TMEM209: variants seen among roughly 807,000 people sequenced by gnomAD.
TMEM209 encodes testicular tissue protein Li 202.
In TMEM209, 65 loss-of-function variants were observed where a neutral mutation model predicts 76.2. The ratio of observed to expected loss-of-function variants is 0.85; its 90% CI spans 0.70 to 1.05. The LOEUF (loss-of-function observed/expected upper bound fraction) is 1.05. Ranked by LOEUF, TMEM209 falls within the 50% of genes least tolerant of loss-of-function variation. The pLI is 0.00. For missense variants in TMEM209, 623 were observed against 685.5 expected (o/e 0.91, Z 1.02); for synonymous variants, 239 against 237.6 (o/e 1.01, Z -0.06).
At chr7:130,198,806 GTTTTAT>G (rs1798085180) in intron 5 of TMEM209, among the ~76,000 whole-genome samples, 1 of 151,746 alleles carries the variant, frequency 6.6e-6, no homozygotes, top group African/African-American at 2.4e-5. Context: ...TTAATTTCTA[GTTTTAT>G]TTTTGTTTTG....
rs772056059 is a variant in TMEM209 at position 130,203,825 on chromosome 7, T to C, written c.162A>G (p.Ser54=). The C allele has an allele frequency of 6.2e-7, 1 of 1,604,648 alleles. No individual in the cohort carries two copies. Among genetic ancestry groups the C allele is most frequent in the East Asian group, 2.2e-5 (1 of 44,774 alleles). ...YTEMTGKLIS[S]YYNVTYWPLW... Reference sequence around the variant, plus strand: ...GGGGCCAGTATGTCACATTGTAGTATGAACTAATCAATTTTCCAGTCCTGA... The same window carrying C: ...GGGGCCAGTATGTCACATTGTAGTACGAACTAATCAATTTTCCAGTCCTGA... The change falls in exon 3 of 15, where the codon TCA becomes TCG. Residue 54 remains serine, a synonymous_variant. Coordinates refer to ENST00000397622, the MANE Select transcript of TMEM209 (RefSeq NM_032842.4).
At chr7:130,188,595 C>CA (rs10649977) in intron 6 of TMEM209, among the ~76,000 whole-genome samples, 1,470 of 72,586 alleles carry the variant, frequency 0.02, 114 homozygotes, top group African/African-American at 0.068. Flanking sequence ...GACTCCGTAT[C>CA]AAAAAAAAAA....
intron 5 of TMEM209, among the ~76,000 whole-genome samples, chr7:130,198,566 A>G (rs1459607175): frequency 1.3e-5 from 2 of 151,916 alleles, no homozygotes; most frequent in South Asian, 2.1e-4. Flanking sequence ...AGCCGAGATC[A>G]CACCACTGCA....
At chr7:130,178,330 G>T in intron 10 of TMEM209, 72 bp downstream of exon 10, 1 of 1,413,746 alleles carries the variant, frequency 7.1e-7, no homozygotes, top group South Asian at 1.4e-5. Flanking sequence ...GTTTTTCCTT[G>T]TTAATCTTCA....
intron 6 of TMEM209, among the ~76,000 whole-genome samples, chr7:130,186,800 C>A (rs917083447): frequency 2.0e-4 from 31 of 152,102 alleles, no homozygotes; most frequent in Non-Finnish European, 3.2e-4. Flanking sequence ...CCACCACCAC[C>A]ACAACAACAG....
intron 10 of TMEM209, among the ~76,000 whole-genome samples, chr7:130,177,348 C>CAA (rs755580801): frequency 3.9e-5 from 4 of 102,500 alleles, no homozygotes; most frequent in Admixed American, 1.0e-4. Flanking sequence ...AGACTGTCTC[C>CAA]AAAAAAAAAA....
chr7:130,202,757 C>T, intron 3 of TMEM209, 94 bp from the exon 4 acceptor site: 1 of 1,308,314 alleles, frequency 7.6e-7, no homozygotes, highest in Non-Finnish European at 1.0e-6. Context: ...CTAAAATTAC[C>T]TTCTTATTCC....
intron 10 of TMEM209, among the ~76,000 whole-genome samples, chr7:130,178,147 C>T (rs1584672313): frequency 1.3e-5 from 2 of 151,876 alleles, no homozygotes; most frequent in African/African-American, 4.8e-5. Flanking sequence ...CTCAGCACAC[C>T]GGAACTATAA....
At chr7:130,178,665 C>T (rs1797318609) in intron 9 of TMEM209, 138 bp from the exon 10 acceptor site, 1 of 903,856 alleles carries the variant, frequency 1.1e-6, no homozygotes, top group Non-Finnish European at 1.6e-6. Context: ...GACGTCTCCC[C>T]TGACGACCCT....
intron 8 of TMEM209, chr7:130,182,148 G>C (rs900516170): frequency 6.2e-6 from 1 of 160,032 alleles, no homozygotes; most frequent in Non-Finnish European, 1.4e-5. Flanking sequence ...CACCATGTTG[G>C]CCAGGCTGGT....
chr7:130,203,528 A>G (rs56716310), intron 3 of TMEM209, among the ~76,000 whole-genome samples: 5 of 152,230 alleles, frequency 3.3e-5, no homozygotes, highest in Admixed American at 3.3e-4. Flanking sequence ...TAATAAAAAC[A>G]AATCTCACTA....
intron 9 of TMEM209, among the ~76,000 whole-genome samples, 165 bp from the exon 10 acceptor site, chr7:130,178,692 C>A (rs1797319827): frequency 6.6e-6 from 1 of 152,184 alleles, no homozygotes; most frequent in Non-Finnish European, 1.5e-5. Context: ...AATTTCACCC[C>A]TCCTCTCTAA....
intron 11 of TMEM209, among the ~76,000 whole-genome samples, chr7:130,174,505 T>C (rs912218435): frequency 6.6e-6 from 1 of 152,176 alleles, no homozygotes; most frequent in Admixed American, 6.5e-5. Context: ...TCTTAGTTTT[T>C]TGCTAAGTGG....
At chr7:130,181,554 A>G in intron 9 of TMEM209, 69 bp downstream of exon 9, 1 of 1,346,680 alleles carries the variant, frequency 7.4e-7, no homozygotes, top group East Asian at 2.4e-5. Flanking sequence ...TAAGCCGTCC[A>G]TTACAAGAAG....
chr7:130,174,864 T>TCATTTAA (rs1797183742), intron 11 of TMEM209, among the ~76,000 whole-genome samples: 1 of 151,948 alleles, frequency 6.6e-6, no homozygotes, highest in Admixed American at 6.6e-5. Flanking sequence ...AATGACAGTG[T>TCATTTAA]GTAATAATGA....
chr7:130,203,798 G>A lies in TMEM209; in HGVS notation c.189C>T (p.Leu63=), dbSNP rs757660504. 1.7e-5 allele frequency: 27 copies of A among 1,603,604 alleles called. No individual in the cohort carries two copies. Among genetic ancestry groups the A allele is most frequent in the Non-Finnish European group, 2.3e-5 (27 of 1,175,106 alleles). ...SSYYNVTYWP[L]WYIELALASL... is the part of the protein sequence containing the mutation. ...AAATTACTTACTTACCAATATACCA[G>A]AGGGGCCAGTATGTCACATTGTAGT... is the stretch of plus-strand genomic sequence containing the variant. Residue 63 remains leucine, a synonymous_variant, in exon 3 of 15, where the codon CTC becomes CTT. Coordinates refer to ENST00000397622, the MANE Select transcript of TMEM209 (RefSeq NM_032842.4).
intron 13 of TMEM209, 76 bp from the exon 14 acceptor site, chr7:130,170,549 T>C: frequency 9.1e-7 from 1 of 1,094,134 alleles, no homozygotes; most frequent in East Asian, 2.4e-5. Flanking sequence ...ACATATCTTA[T>C]CAATTCATAT....
chr7:130,204,171 C>G (rs1316971296), intron 1 of TMEM209, 61 bp from the exon 2 acceptor site: 10 of 1,519,946 alleles, frequency 6.6e-6, no homozygotes, highest in East Asian at 2.4e-5. Context: ...ATTTAAAAAC[C>G]AAATTTTGCA....
At chr7:130,170,123 C>T (rs556301513) in intron 14 of TMEM209, among the ~76,000 whole-genome samples, 100 of 152,112 alleles carry the variant, frequency 6.6e-4, no homozygotes, top group Non-Finnish European at 1.2e-3. Flanking sequence ...TGTTTTTAAA[C>T]GGCAAGAGTC....
Sources: allele counts gnomAD v4.1 joint callset (sites outside exome capture counted in the v4.1 genomes callset), GRCh38; gene constraint gnomAD v4.1.1; transcripts MANE v1.5; gene names NCBI Gene and HGNC (gene_info 2026-07-23, HGNC 2026-07-21).